Variants in RBM47 observed in about 807,000 individuals in gnomAD.
RBM47 encodes RNA binding motif protein 47, also known as RNA-binding protein 47.
A neutral mutation model predicts 47.1 loss-of-function variants in RBM47; 21 were observed. The ratio of observed to expected loss-of-function variants is 0.45; its 90% CI spans 0.32 to 0.64. The LOEUF is 0.64. Ranked by LOEUF, RBM47 falls within the 30% of genes least tolerant of loss-of-function variation. The pLI, the probability that RBM47 is intolerant of heterozygous loss-of-function variation, is 0.05. For synonymous variants in RBM47, 375 were observed against 361.7 expected, an observed-to-expected ratio of 1.04 and a Z score of -0.42; for missense variants, 708 against 870.9, an observed-to-expected ratio of 0.81 and a Z score of 2.35.
rs1389603850 is a variant in RBM47, at chr4:40,437,975, C to G, written c.919G>C (p.Glu307Gln). 6.2e-7 allele frequency: 1 copy of G among 1,613,566 alleles called. No individual in the cohort carries two copies. Among genetic ancestry groups the G allele is most frequent in the Admixed American group, 1.7e-5 (1 of 60,024 alleles). ...AGCGTGACCTCCAGGCACGAGCCCT[C>G]CAGCTCAGTGCCGTTGAGGTTGTTC... is the stretch of plus-strand genomic sequence containing the variant. ...AMNNLNGTEL[E>Q]GSCLEVTLAK... The change falls in exon 4 of 7, where the codon GAG becomes CAG. Residue 307 changes from glutamate (E) to glutamine (Q), a missense_variant. By Grantham distance (29) the Glu-to-Gln change is conservative (BLOSUM62 2). Coordinates refer to ENST00000295971, the MANE Select transcript of RBM47 (RefSeq NM_001098634.2).
rs1720729677 is a variant in RBM47, at chr4:40,483,731, C to T, written c.-154-17032G>A. ...AAATACAATACAATACAGTACAATA[C>T]AATACACTATCATTTTTTAATCAAC... On this transcript the variant is annotated intron_variant, in intron 2 of 6. Transcript: ENST00000295971. Among the ~76,000 whole-genome samples, 3 of 152,136 alleles carry T rather than the reference C, an allele frequency of 2.0e-5. No individual in the cohort carries two copies. The South Asian group carries it at 6.2e-4, about 31-fold the overall frequency.
At chr4:40,437,014 AG>A (rs1292525701) in intron 4 of RBM47, 1 of 334,406 alleles carries the variant, frequency 3.0e-6, no homozygotes, top group African/African-American at 2.5e-5. Flanking sequence ...CTGAGGCGAG[AG>A]GATGGCTTGA....
chr4:40,519,659 CTTTTTTTTTTTTTT>C (rs35250968), intron 2 of RBM47, among the ~76,000 whole-genome samples: 4 of 96,288 alleles, frequency 4.2e-5, no homozygotes, highest in Admixed American at 1.3e-4. Flanking sequence ...CCCTACCCTC[CTTTTTTTTTTTTTT>C]TTTTTTTTTT....
chr4:40,611,969 A>G (rs1336953217), intron 1 of RBM47, among the ~76,000 whole-genome samples: 1 of 152,174 alleles, frequency 6.6e-6, no homozygotes, highest in Non-Finnish European at 1.5e-5. Context: ...TCCACGCAAG[A>G]CTCAGGCCTC....
At chr4:40,578,226 A>G (rs949883679) in intron 1 of RBM47, among the ~76,000 whole-genome samples, 5 of 152,202 alleles carry the variant, frequency 3.3e-5, no homozygotes, top group Non-Finnish European at 7.3e-5. Flanking sequence ...TTTAATCCTT[A>G]AAGTAATCTG....
chr4:40,522,322 T>A (rs753722243), intron 2 of RBM47, among the ~76,000 whole-genome samples: 1 of 152,128 alleles, frequency 6.6e-6, no homozygotes, highest in African/African-American at 2.4e-5. Flanking sequence ...CTTTCCAACA[T>A]GGTGAAGCCC....
chr4:40,625,062 C>T (rs1273455212), intron 1 of RBM47, among the ~76,000 whole-genome samples: 1 of 151,996 alleles, frequency 6.6e-6, no homozygotes, highest in Admixed American at 6.6e-5. Context: ...ATTGGCCAGG[C>T]TGATCTCGAA....
Position 40,544,693 on chromosome 4 carries a change from C to T in RBM47, c.-239-187G>A, listed in dbSNP as rs145479483. ...TACATAACCAGGCAATATAGGAAAT[C>T]TCCACTGGTCACATCATTTTGCCAG... On this transcript the variant is annotated intron_variant, in intron 1 of 6. Transcript: ENST00000295971. Among the ~76,000 whole-genome samples the T allele has an allele frequency of 1.3e-3, 200 of 152,290 alleles. 1 individual carries two copies. Among genetic ancestry groups the T allele is most frequent in the African/African-American group, 4.5e-3 (186 of 41,560 alleles).
chr4:40,509,410 C>T (rs1442410722), intron 2 of RBM47, among the ~76,000 whole-genome samples: 2 of 152,062 alleles, frequency 1.3e-5, no homozygotes, highest in East Asian at 3.9e-4. Flanking sequence ...CTCCAAAGCA[C>T]ATTCTTCTTG....
chr4:40,623,190 T>C (rs1427764989), intron 1 of RBM47, among the ~76,000 whole-genome samples: 1 of 152,180 alleles, frequency 6.6e-6, no homozygotes, highest in Non-Finnish European at 1.5e-5. Flanking sequence ...TGTTTACTCA[T>C]TGGCAAACTG....
At chr4:40,600,086 C>T (rs867101545) in intron 1 of RBM47, among the ~76,000 whole-genome samples, 2 of 152,050 alleles carry the variant, frequency 1.3e-5, no homozygotes, top group Non-Finnish European at 1.5e-5. Context: ...TAGCTCACTG[C>T]GGCCTTGACC....
intron 5 of RBM47, 65 bp from the exon 6 acceptor site, chr4:40,432,927 T>C: frequency 6.4e-7 from 1 of 1,562,706 alleles, no homozygotes; most frequent in South Asian, 1.2e-5. Flanking sequence ...GGTCCAGCAC[T>C]TGCTCTAAGA....
chr4:40,554,015 T>C (rs1448401740), intron 1 of RBM47, among the ~76,000 whole-genome samples: 2 of 152,064 alleles, frequency 1.3e-5, no homozygotes, highest in Non-Finnish European at 1.5e-5. Context: ...CAAGCTCACA[T>C]AGAAATGGTG....
Position 40,481,461 on chromosome 4 carries a change from T to C in RBM47, c.-154-14762A>G, listed in dbSNP as rs544028338. Among the ~76,000 whole-genome samples, 424 of 128,582 alleles carry C rather than the reference T, an allele frequency of 3.3e-3. 3 individuals are homozygous for C. The highest frequency in any genetic ancestry group is 0.011 in the African/African-American group (408 of 37,326). The allele number at this position is 128,582 out of a possible 152,430, so 84.4% of individuals were successfully genotyped here. A position where few individuals can be genotyped will look rare whatever the true frequency, so the allele number is the denominator to read the frequency against. ...CTAATTTTTGTATTATTATTATTAT[T>C]ATTATTATTATTATTATTATTATTA... On this transcript the variant is annotated intron_variant, in intron 2 of 6. Transcript: ENST00000295971.
chr4:40,444,752 C>T (rs1284479034), intron 3 of RBM47, among the ~76,000 whole-genome samples: 1 of 151,706 alleles, frequency 6.6e-6, no homozygotes, highest in Non-Finnish European at 1.5e-5. Context: ...GCAATCTCCA[C>T]CTCCAGGATT....
chr4:40,624,131 G>T (rs1400019451), intron 1 of RBM47, among the ~76,000 whole-genome samples: 1 of 152,170 alleles, frequency 6.6e-6, no homozygotes, highest in Non-Finnish European at 1.5e-5. Context: ...GGATTACGGT[G>T]TGAGTGACCA....
intron 2 of RBM47, among the ~76,000 whole-genome samples, chr4:40,493,464 G>A (rs1577787352): frequency 6.6e-6 from 1 of 152,092 alleles, no homozygotes; most frequent in East Asian, 1.9e-4. Flanking sequence ...TCTTCACAAA[G>A]AGCCCTAGGA....
Position 40,495,493 on chromosome 4 carries a change from T to C in RBM47, c.-154-28794A>G, listed in dbSNP as rs117682684. 4.0e-4 allele frequency among the ~76,000 whole-genome samples: 61 copies of C among 152,062 alleles called. No homozygotes were observed. The East Asian group carries it at 0.011, about 27-fold the overall frequency. On this transcript the variant is annotated intron_variant, in intron 2 of 6. Transcript: ENST00000295971. The stretch of plus-strand genomic sequence containing the variant: ...GGCAGGTGTCTGTGGTCCCAGCTAC[T>C]TGGGAGGCAGATGCAGGAGAATCTC...
intron 2 of RBM47, among the ~76,000 whole-genome samples, chr4:40,499,843 T>C (rs934057899): frequency 1.3e-5 from 2 of 152,250 alleles, no homozygotes; most frequent in Non-Finnish European, 2.9e-5. Flanking sequence ...ACTCAGTCAT[T>C]CATTCAATAA....
Sources: gnomAD v4.1 joint callset for allele counts (sites outside exome capture counted in the v4.1 genomes callset) on GRCh38, gnomAD v4.1.1 for gene constraint, MANE v1.5 for transcripts, NCBI Gene and HGNC (gene_info 2026-07-23, HGNC 2026-07-21) for gene names.